SLC13A3: variants seen among roughly 807,000 people sequenced by gnomAD.
The protein encoded by SLC13A3 is Na(+)/dicarboxylate cotransporter 3.
A neutral mutation model predicts 59.0 loss-of-function variants in SLC13A3; 40 were observed. That is an observed-to-expected ratio of 0.68 (90% CI 0.53 to 0.88). The LOEUF is 0.88. SLC13A3 is among the 40% of genes least tolerant of loss of function. SLC13A3 has a pLI of 0.00. For synonymous variants in SLC13A3, 317 were observed against 330.3 expected (o/e 0.96, Z 0.44); for missense variants, 699 against 783.2 (o/e 0.89, Z 1.28).
upstream of SLC13A3, among the ~76,000 whole-genome samples, chr20:46,652,704 AT>A (rs922621298): frequency 2.5e-4 from 38 of 149,984 alleles, no homozygotes; most frequent in African/African-American, 8.3e-4. Context: ...CGTTATTCTT[AT>A]TTTTTTTTAA....
intron 1 of SLC13A3, among the ~76,000 whole-genome samples, chr20:46,624,890 T>C (rs1392810783): frequency 6.6e-6 from 1 of 151,374 alleles, no homozygotes; most frequent in Non-Finnish European, 1.5e-5. Context: ...CCTAAGGGAG[T>C]TCCCATATAT....
In SLC13A3 at chr20:46,651,318, G is replaced by T; in HGVS notation, c.104C>A (p.Pro35Gln). 3 of 1,510,208 alleles carry T rather than the reference G, an allele frequency of 2.0e-6. No homozygotes were observed. In the South Asian group the frequency reaches 3.8e-5, roughly 19 times the overall value. The allele number at this position is 1,510,208 out of a possible 1,614,324, so 93.6% of individuals were successfully genotyped here. ...AGGCGGAGGAGGCGTTACCTTGGGC[G>T]GGAGGGCGAAGACCACCGGCAGCAG... ...LALLPVVFAL[P>Q]PKEGRCLFVI... is the part of the protein sequence containing the mutation. Residue 35 changes from proline to glutamine, a missense_variant, in exon 1 of 13, where the codon CCG (proline) becomes CAG (glutamine). Coordinates refer to ENST00000279027, the MANE Select transcript of SLC13A3 (RefSeq NM_022829.6).
chr20:46,662,429 C>G (rs745776433), intron 1 of SLC13A3, among the ~76,000 whole-genome samples: 1 of 152,112 alleles, frequency 6.6e-6, no homozygotes, highest in Non-Finnish European at 1.5e-5. Flanking sequence ...TCCTGCCTAC[C>G]ATGTGAAAGT....
chr20:46,661,214 A>T (rs1213035327), intron 1 of SLC13A3, among the ~76,000 whole-genome samples: 3 of 152,232 alleles, frequency 2.0e-5, no homozygotes, highest in Non-Finnish European at 4.4e-5. Flanking sequence ...AAGAAAGAAC[A>T]GTAGAGAATG....
chr20:46,637,428 A>G (rs1403559831), intron 1 of SLC13A3, among the ~76,000 whole-genome samples: 1 of 152,124 alleles, frequency 6.6e-6, no homozygotes, highest in Non-Finnish European at 1.5e-5. Context: ...CCCCTAGGAG[A>G]TGAGCTTTAT....
Position 46,613,672 on chromosome 20 carries a change from C to T in SLC13A3, c.165G>A (p.Glu55=), listed in dbSNP as rs768654656. 5.6e-6 allele frequency: 9 copies of T among 1,611,822 alleles called. No homozygotes were observed. The Admixed American group carries it at 8.4e-5, about 15-fold the overall frequency. The change falls in exon 2 of 13, where the codon GAG becomes GAA. Residue 55 remains glutamate, a synonymous_variant. Coordinates refer to ENST00000279027, the MANE Select transcript of SLC13A3 (RefSeq NM_022829.6). ...GCGCCGTCACTGAGAGCGGCAGGGC[C>T]TCCGTGCACCAGTACACCGCCATGA... ...ILLMAVYWCT[E]ALPLSVTALL... is the part of the protein sequence containing the mutation.
intron 1 of SLC13A3, among the ~76,000 whole-genome samples, chr20:46,666,210 C>A (rs1425105723): frequency 2.6e-5 from 4 of 152,150 alleles, no homozygotes; most frequent in Non-Finnish European, 5.9e-5. Flanking sequence ...AACATTGAGT[C>A]ACAGAAAGTG....
At chr20:46,658,982 T>C (rs1294187374) in intron 1 of SLC13A3, among the ~76,000 whole-genome samples, 1 of 152,230 alleles carries the variant, frequency 6.6e-6, no homozygotes, top group Non-Finnish European at 1.5e-5. Flanking sequence ...CACAATAGTT[T>C]TCTTATGCTC....
chr20:46,668,690 C>T (rs1299382903), intron 1 of SLC13A3, among the ~76,000 whole-genome samples: 2 of 152,208 alleles, frequency 1.3e-5, no homozygotes, highest in Non-Finnish European at 2.9e-5. Flanking sequence ...ATGAAATACT[C>T]TTCTTTTGGA....
intron 1 of SLC13A3, among the ~76,000 whole-genome samples, chr20:46,638,068 A>C (rs2062811623): frequency 6.6e-6 from 1 of 152,168 alleles, no homozygotes. Context: ...ATCAACCCCA[A>C]AGAAAGGTGA....
At chr20:46,584,133 C>T (rs1351442513) in intron 8 of SLC13A3, 1 of 985,258 alleles carries the variant, frequency 1.0e-6, no homozygotes, top group Non-Finnish European at 1.2e-6. Flanking sequence ...GCCTCTTGGC[C>T]CCTCAAAACC....
At chr20:46,580,741 T>C (rs1295740436) in intron 9 of SLC13A3, among the ~76,000 whole-genome samples, 2 of 152,060 alleles carry the variant, frequency 1.3e-5, no homozygotes, top group African/African-American at 4.8e-5. Flanking sequence ...GAGGCAGGAC[T>C]CACTCCAGGG....
chr20:46,630,586 T>G (rs539440008), intron 1 of SLC13A3, among the ~76,000 whole-genome samples: 79 of 152,350 alleles, frequency 5.2e-4, no homozygotes, highest in African/African-American at 1.9e-3. Flanking sequence ...TCATCAAAGA[T>G]GGCATATTCT....
chr20:46,587,627 T>C (rs1259245454), intron 8 of SLC13A3, among the ~76,000 whole-genome samples: 4 of 152,222 alleles, frequency 2.6e-5, no homozygotes, highest in African/African-American at 9.6e-5. Context: ...TATTATTTTA[T>C]AGCATAACCC....
At chr20:46,571,424 GTAA>G (rs2062027416) in intron 10 of SLC13A3, among the ~76,000 whole-genome samples, 1 of 152,198 alleles carries the variant, frequency 6.6e-6, no homozygotes, top group Non-Finnish European at 1.5e-5. Flanking sequence ...AATAATAACA[GTAA>G]TAATAATAGT....
intron 1 of SLC13A3, among the ~76,000 whole-genome samples, chr20:46,639,236 C>T (rs1300510863): frequency 6.6e-6 from 1 of 151,890 alleles, no homozygotes; most frequent in Non-Finnish European, 1.5e-5. Flanking sequence ...GGGTGAGGGG[C>T]AGATCACCTG....
intron 1 of SLC13A3, among the ~76,000 whole-genome samples, chr20:46,616,788 A>G (rs2065188765): frequency 6.6e-6 from 1 of 152,228 alleles, no homozygotes; most frequent in Admixed American, 6.5e-5. Context: ...CCAGTGTACC[A>G]AAGGCTTCAG....
intron 9 of SLC13A3, among the ~76,000 whole-genome samples, chr20:46,578,899 G>A (rs566203278): frequency 3.4e-5 from 5 of 148,788 alleles, no homozygotes; most frequent in South Asian, 2.2e-4. Context: ...AGAAGTCGTC[G>A]TCGTCGTCAT....
chr20:46,588,011 C>G lies in SLC13A3; in HGVS notation c.1121+48G>C, dbSNP rs760308276. On this transcript the variant is annotated intron_variant, in intron 8 of 12. Transcript: ENST00000279027. ...CTCTCCAGCTCCAGGTGGCCCAGCC[C>G]AGAATCCTCCCTGTTGGACTCCTCC... 6.9e-6 allele frequency: 8 copies of G among 1,164,986 alleles called. No homozygotes were observed. The East Asian group carries it at 1.9e-4, about 28-fold the overall frequency. 72.2% of individuals were successfully genotyped at this position (1,164,986 alleles called of 1,614,324 possible). A position where few individuals can be genotyped will look rare whatever the true frequency, so the allele number is the denominator to read the frequency against.
Sources: allele counts gnomAD v4.1 joint callset (sites outside exome capture counted in the v4.1 genomes callset), GRCh38; gene constraint gnomAD v4.1.1; transcripts MANE v1.5; gene names NCBI Gene and HGNC (gene_info 2026-07-23, HGNC 2026-07-21).